Variants in CCDC18 observed in about 807,000 individuals in gnomAD.
CCDC18 encodes coiled-coil domain containing 18, also known as coiled-coil domain-containing protein 18.
A neutral mutation model predicts 196.0 loss-of-function variants in CCDC18; 157 were observed. That is an observed-to-expected ratio of 0.80 (90% CI 0.70 to 0.91). The LOEUF (loss-of-function observed/expected upper bound fraction) is 0.91, where lower values mean the gene tolerates loss of function less well. Ranked by LOEUF, CCDC18 falls within the 40% of genes least tolerant of loss-of-function variation. The pLI, the probability that CCDC18 is intolerant of heterozygous loss-of-function variation, is 0.00. For missense variants in CCDC18, 1,465 were observed against 1,611.6 expected, an observed-to-expected ratio of 0.91 and a Z score of 1.56; for synonymous variants, 482 against 529.2, an observed-to-expected ratio of 0.91 and a Z score of 1.22.
At chr1:93,191,165 A>C in intron 4 of CCDC18, 1 of 455,906 alleles carries the variant, frequency 2.2e-6, no homozygotes, top group Non-Finnish European at 4.0e-6. Flanking sequence ...GATAACCCAA[A>C]ATGAAATTGA....
rs750846073 is a variant in CCDC18, at chr1:93,207,335, A to T, written c.1146A>T (p.Gln382His). ...AAQNERLDLC[Q>H]QEIESSRVEL... Reference sequence around the variant, plus strand: ...AGAATGAGCGACTAGATTTATGTCAACAAGAAATTGAAAGTTCAAGGGTAG... The same window carrying T: ...AGAATGAGCGACTAGATTTATGTCATCAAGAAATTGAAAGTTCAAGGGTAG... Residue 382 changes from glutamine (Q) to histidine (H), a missense_variant, in exon 9 of 29, where the codon CAA (glutamine) becomes CAT (histidine). By Grantham distance (24) the Gln-to-His change is conservative. Coordinates refer to ENST00000690025, the MANE Select transcript of CCDC18 (RefSeq NM_001378204.1). The T allele has an allele frequency of 1.9e-5, 30 of 1,612,882 alleles. No individual in the cohort carries two copies. Among genetic ancestry groups the T allele is most frequent in the Non-Finnish European group, 2.3e-5 (27 of 1,179,414 alleles).
intron 17 of CCDC18, among the ~76,000 whole-genome samples, chr1:93,231,961 T>C (rs1490619650): frequency 1.3e-5 from 2 of 152,222 alleles, no homozygotes; most frequent in Non-Finnish European, 2.9e-5. Context: ...TGTTCCCTCC[T>C]TCTGGGAGAG....
chr1:93,190,808 T>C, intron 4 of CCDC18: 1 of 702,244 alleles, frequency 1.4e-6, no homozygotes. Flanking sequence ...CATCTTTTAA[T>C]ACTCAGCATT....
At chr1:93,237,472 A>G (rs769135014) in intron 19 of CCDC18, among the ~76,000 whole-genome samples, 10 of 152,136 alleles carry the variant, frequency 6.6e-5, no homozygotes, top group Non-Finnish European at 1.2e-4. Context: ...AAAGACTTCT[A>G]CTGTGCCTTT....
chr1:93,270,351 C>T lies in CCDC18; in HGVS notation c.3890C>T (p.Ser1297Leu). 2.6e-6 allele frequency: 4 copies of T among 1,530,230 alleles called. No homozygotes were observed. Among genetic ancestry groups the T allele is most frequent in the Non-Finnish European group, 3.5e-6 (4 of 1,131,710 alleles). The allele number at this position is 1,530,230 out of a possible 1,614,324, so 94.8% of individuals were successfully genotyped here. ...AANEALLTKE[S>L]ELTRLQAKIS... ...TATGTACCAATTTATCTGCAGGAAT[C>T]AGAATTAACCAGATTACAGGCCAAA... Residue 1297 changes from serine to leucine, a missense_variant, in exon 28 of 29, where the codon TCA (serine) becomes TTA (leucine). Coordinates refer to ENST00000690025, the MANE Select transcript of CCDC18 (RefSeq NM_001378204.1).
intron 19 of CCDC18, among the ~76,000 whole-genome samples, chr1:93,238,243 A>G (rs994948264): frequency 1.8e-4 from 27 of 152,192 alleles, no homozygotes. Flanking sequence ...CAAGCTAAAA[A>G]TTATTTACTT....
intron 16 of CCDC18, among the ~76,000 whole-genome samples, chr1:93,222,416 CA>C (rs539185789): frequency 6.8e-6 from 1 of 147,674 alleles, no homozygotes; most frequent in Admixed American, 6.8e-5. Flanking sequence ...TTAACATTAC[CA>C]AAAAAAAAGA....
At chr1:93,188,269 C>G (rs1450880653) in intron 4 of CCDC18, among the ~76,000 whole-genome samples, 1 of 152,150 alleles carries the variant, frequency 6.6e-6, no homozygotes, top group Non-Finnish European at 1.5e-5. Flanking sequence ...TCATAACTTA[C>G]GTCTGGCAAT....
chr1:93,219,849 C>T (rs1657118036), intron 14 of CCDC18, among the ~76,000 whole-genome samples: 1 of 151,988 alleles, frequency 6.6e-6, no homozygotes, highest in African/African-American at 2.4e-5. Context: ...ATTATTCAGT[C>T]TGAGCAACAG....
In CCDC18 at chr1:93,270,454, T is replaced by C. The variant is rs1309740251; in HGVS notation, c.3993T>C (p.Asp1331=). The change falls in exon 28 of 29, where the codon GAT becomes GAC. Residue 1331 remains aspartate, a synonymous_variant. Transcript: ENST00000690025. The part of the protein sequence containing the change: ...PFTSPTEIMP[D]VQDPKFAKCF... Reference sequence around the variant, plus strand: ...CATCTCCAACAGAAATTATGCCTGATGTTCAAGATCCAAAATTTGCTAAAT... The same window carrying C: ...CATCTCCAACAGAAATTATGCCTGACGTTCAAGATCCAAAATTTGCTAAAT... The C allele has an allele frequency of 1.7e-5, 27 of 1,550,446 alleles. 1 individual carries two copies. The highest frequency in any genetic ancestry group is 2.4e-5 in the Non-Finnish European group (27 of 1,146,892).
chr1:93,254,942 T>G (rs1228073726), intron 24 of CCDC18, among the ~76,000 whole-genome samples: 1 of 10,892 alleles, frequency 9.2e-5, no homozygotes, highest in African/African-American at 6.4e-4. Flanking sequence ...AGGAGTCAGC[T>G]TTTTTTTTTT....
Position 93,207,242 on chromosome 1 carries a change from C to A in CCDC18, c.1053C>A (p.Asp351Glu). Residue 351 changes from aspartate to glutamate, a missense_variant, in exon 9 of 29, where the codon GAC becomes GAA. Physicochemically the swap from Asp to Glu is conservative, Grantham distance 45 (BLOSUM62 2). Transcript: ENST00000690025. ...LKLESELENKDEILRDKFSLM... is the reference protein window; with the variant it reads ...LKLESELENKEEILRDKFSLM... ...TAGAGAGTGAGTTAGAGAACAAAGA[C>A]GAAATACTTAGAGACAAATTTTCTT... 6.2e-7 allele frequency: 1 copy of A among 1,613,254 alleles called. No homozygotes were observed. Among genetic ancestry groups the A allele is most frequent in the Non-Finnish European group, 8.5e-7 (1 of 1,179,574 alleles).
chr1:93,261,818 G>GTATC (rs1171152182), intron 26 of CCDC18, among the ~76,000 whole-genome samples: 2 of 151,854 alleles, frequency 1.3e-5, no homozygotes, highest in African/African-American at 4.8e-5. Flanking sequence ...TATTCAATAA[G>GTATC]TATCTTGTAT....
At chr1:93,249,408 C>T (rs1661940938) in intron 23 of CCDC18, among the ~76,000 whole-genome samples, 1 of 151,860 alleles carries the variant, frequency 6.6e-6, no homozygotes, top group Non-Finnish European at 1.5e-5. Flanking sequence ...GAAATTAACT[C>T]TTTGTTTCAT....
chr1:93,238,692 G>A (rs536909146), intron 19 of CCDC18, among the ~76,000 whole-genome samples: 2 of 152,280 alleles, frequency 1.3e-5, no homozygotes, highest in African/African-American at 2.4e-5. Context: ...TGATTTGTCT[G>A]TAGGGGAGCT....
intron 27 of CCDC18, among the ~76,000 whole-genome samples, chr1:93,267,300 TAA>T (rs1266400544): frequency 6.6e-6 from 1 of 152,110 alleles, no homozygotes; most frequent in African/African-American, 2.4e-5. Flanking sequence ...CTCAAAATAA[TAA>T]GAGCTATTTA....
chr1:93,198,606 TAAG>T (rs549788391), intron 6 of CCDC18, among the ~76,000 whole-genome samples: 15 of 152,164 alleles, frequency 9.9e-5, no homozygotes, highest in African/African-American at 2.2e-4. Flanking sequence ...TAAAATCAAA[TAAG>T]AAAAACTATA....
chr1:93,191,572 G>T (rs567134464), intron 4 of CCDC18, among the ~76,000 whole-genome samples: 6 of 152,140 alleles, frequency 3.9e-5, no homozygotes, highest in African/African-American at 1.4e-4. Flanking sequence ...AGATTGTAGG[G>T]TTATTATGCT....
chr1:93,246,521 A>G (rs1415557604), intron 22 of CCDC18, among the ~76,000 whole-genome samples: 2 of 152,162 alleles, frequency 1.3e-5, no homozygotes, highest in Admixed American at 1.3e-4. Flanking sequence ...CCAGCATAAA[A>G]TGAAGTCTGA....
Sources: gnomAD v4.1 joint callset for allele counts (sites outside exome capture counted in the v4.1 genomes callset) on GRCh38, gnomAD v4.1.1 for gene constraint, MANE v1.5 for transcripts, NCBI Gene and HGNC (gene_info 2026-07-23, HGNC 2026-07-21) for gene names.